Variants in CPQ observed in about 807,000 individuals in gnomAD.
The protein encoded by CPQ is carboxypeptidase Q.
CPQ carries 37 observed loss-of-function variants against 45.7 expected under a neutral mutation model. The ratio of observed to expected loss-of-function variants is 0.81; its 90% confidence interval spans 0.62 to 1.07. The LOEUF (loss-of-function observed/expected upper bound fraction) is 1.07, where lower values mean the gene tolerates loss of function less well. CPQ is among the 50% of genes least tolerant of loss of function. The probability of loss-of-function intolerance (pLI) is 0.00; values close to 1 mark genes in which losing one functional copy is unlikely to be tolerated. For synonymous variants in CPQ, 186 were observed against 205.8 expected, an observed-to-expected ratio of 0.90 and a Z score of 0.82; for missense variants, 537 against 572.9, an observed-to-expected ratio of 0.94 and a Z score of 0.64.
chr8:96,978,176 A>T (rs1414606379), intron 5 of CPQ, among the ~76,000 whole-genome samples: 1 of 151,204 alleles, frequency 6.6e-6, no homozygotes, highest in Non-Finnish European at 1.5e-5. Flanking sequence ...GCAGATACAT[A>T]TTTTTTTTTC....
At chr8:96,923,603 A>G (rs1028919151) in intron 4 of CPQ, among the ~76,000 whole-genome samples, 4 of 152,098 alleles carry the variant, frequency 2.6e-5, no homozygotes, top group African/African-American at 9.7e-5. Flanking sequence ...CCAATCAACT[A>G]TTATTGAGCC....
intron 4 of CPQ, among the ~76,000 whole-genome samples, chr8:96,885,367 T>G (rs1812287973): frequency 6.6e-6 from 1 of 152,192 alleles, no homozygotes; most frequent in African/African-American, 2.4e-5. Context: ...TCCAGCAATG[T>G]TGCATTGGGG....
intron 5 of CPQ, among the ~76,000 whole-genome samples, chr8:96,984,911 G>A (rs1813983250): frequency 6.6e-6 from 1 of 152,110 alleles, no homozygotes; most frequent in African/African-American, 2.4e-5. Flanking sequence ...ATATGTTTAT[G>A]AACTATTATT....
chr8:96,871,966 A>G (rs181631711), intron 3 of CPQ, among the ~76,000 whole-genome samples: 4 of 152,076 alleles, frequency 2.6e-5, no homozygotes, highest in African/African-American at 9.6e-5. Context: ...CAAAATAACC[A>G]AAACAAAATC....
intron 4 of CPQ, among the ~76,000 whole-genome samples, chr8:96,948,706 G>A (rs144359648): frequency 8.5e-4 from 129 of 152,070 alleles, no homozygotes; most frequent in African/African-American, 3.0e-3. Flanking sequence ...CTTATCTTCC[G>A]TATTGATGTC....
chr8:96,954,036 GAGTTA>G (rs1563537576), intron 4 of CPQ, among the ~76,000 whole-genome samples: 3 of 152,116 alleles, frequency 2.0e-5, no homozygotes, highest in African/African-American at 7.2e-5. Context: ...ATCAAGGGCC[GAGTTA>G]AGTTAAGCAA....
chr8:96,718,836 A>G (rs1317038973), intron 1 of CPQ, among the ~76,000 whole-genome samples: 2 of 152,154 alleles, frequency 1.3e-5, no homozygotes, highest in African/African-American at 4.8e-5. Flanking sequence ...CCAAGGCCCC[A>G]CCAGAGTAGC....
intron 7 of CPQ, 149 bp from the exon 8 acceptor site, chr8:97,142,871 A>T: frequency 1.5e-6 from 1 of 670,986 alleles, no homozygotes; most frequent in Middle Eastern, 4.3e-4. Flanking sequence ...ACACATGGAC[A>T]TTTCTTGCAG....
chr8:97,058,741 T>C (rs377176767), intron 6 of CPQ, among the ~76,000 whole-genome samples: 41 of 152,290 alleles, frequency 2.7e-4, no homozygotes, highest in African/African-American at 9.1e-4. Flanking sequence ...ATGAAACACT[T>C]GACCAATACA....
chr8:96,887,429 A>C (rs997445412), intron 4 of CPQ, among the ~76,000 whole-genome samples: 7 of 152,120 alleles, frequency 4.6e-5, no homozygotes, highest in South Asian at 2.1e-4. Context: ...TCTGTGTAGC[A>C]CCCAGTGCAG....
intron 5 of CPQ, among the ~76,000 whole-genome samples, chr8:97,026,607 C>T (rs1809802764): frequency 6.6e-6 from 1 of 152,202 alleles, no homozygotes; most frequent in Admixed American, 6.5e-5. Context: ...CACTGGCTTC[C>T]TAACTTCTTC....
chr8:96,760,143 T>C (rs1029784462), intron 1 of CPQ, among the ~76,000 whole-genome samples: 2 of 152,218 alleles, frequency 1.3e-5, no homozygotes, highest in South Asian at 4.1e-4. Context: ...CCAGTTCTCA[T>C]GATTCCCTGA....
intron 7 of CPQ, among the ~76,000 whole-genome samples, chr8:97,132,023 AG>A (rs1437665104): frequency 3.9e-5 from 6 of 152,246 alleles, no homozygotes; most frequent in African/African-American, 7.2e-5. Context: ...TTTCTTTGAA[AG>A]GTAAAATATC....
At chr8:96,984,786 A>G (rs1813979803) in intron 5 of CPQ, among the ~76,000 whole-genome samples, 2 of 152,214 alleles carry the variant, frequency 1.3e-5, no homozygotes, top group African/African-American at 2.4e-5. Context: ...GTATCTAATT[A>G]TAGGTTTATT....
At chr8:96,931,543 G>A (rs1812975738) in intron 4 of CPQ, among the ~76,000 whole-genome samples, 1 of 152,124 alleles carries the variant, frequency 6.6e-6, no homozygotes, top group South Asian at 2.1e-4. Context: ...GCTGGGTGAA[G>A]CTTGGCCTTC....
intron 4 of CPQ, among the ~76,000 whole-genome samples, chr8:96,890,645 C>G (rs1054370075): frequency 2.0e-5 from 3 of 152,206 alleles, no homozygotes; most frequent in African/African-American, 4.8e-5. Context: ...CCGGCCAACA[C>G]TGTAACTCCC....
At chr8:97,074,601 C>T (rs546678587) in intron 7 of CPQ, among the ~76,000 whole-genome samples, 1 of 152,140 alleles carries the variant, frequency 6.6e-6, no homozygotes, top group East Asian at 1.9e-4. Flanking sequence ...GTGAAACCCC[C>T]TCTCTACTAA....
chr8:97,054,705 T>C (rs1386657845), intron 6 of CPQ, among the ~76,000 whole-genome samples: 1 of 152,156 alleles, frequency 6.6e-6, no homozygotes, highest in African/African-American at 2.4e-5. Context: ...CACTTATAAG[T>C]TGGAGCTAAG....
At chr8:96,824,444 A>G (rs1052605031) in intron 2 of CPQ, among the ~76,000 whole-genome samples, 5 of 152,074 alleles carry the variant, frequency 3.3e-5, no homozygotes, top group Non-Finnish European at 7.4e-5. Flanking sequence ...AAATTGAAGA[A>G]TTATCACCTT....
Sources: allele counts gnomAD v4.1 joint callset (sites outside exome capture counted in the v4.1 genomes callset), GRCh38; gene constraint gnomAD v4.1.1; transcripts MANE v1.5; gene names NCBI Gene and HGNC (gene_info 2026-07-23, HGNC 2026-07-21).